Variants in GALNT17 observed in about 807,000 individuals in gnomAD.
The protein encoded by GALNT17 is polypeptide N-acetylgalactosaminyltransferase 17, also known as UDP-GalNAc:polypeptide N-acetylgalactosaminyltransferase-like 3.
Under a neutral mutation model 63.7 loss-of-function variants are expected in GALNT17, and 29 were observed. The observed-to-expected ratio is 0.46, with a 90% CI of 0.34 to 0.62. The LOEUF (loss-of-function observed/expected upper bound fraction) is 0.62. GALNT17 is among the 20% of genes least tolerant of loss of function. The pLI, the probability that GALNT17 is intolerant of heterozygous loss-of-function variation, is 0.01. For missense variants in GALNT17, 603 were observed against 799.6 expected (o/e 0.75, Z 2.97); for synonymous variants, 305 against 318.3 (o/e 0.96, Z 0.45).
chr7:71,505,017 C>T (rs1788244231), intron 5 of GALNT17, among the ~76,000 whole-genome samples: 2 of 152,174 alleles, frequency 1.3e-5, no homozygotes, highest in South Asian at 4.1e-4. Flanking sequence ...GATCACACCC[C>T]ACACGCTGTT....
intron 5 of GALNT17, among the ~76,000 whole-genome samples, chr7:71,502,120 T>A (rs545352449): frequency 4.1e-4 from 62 of 152,310 alleles, no homozygotes; most frequent in African/African-American, 1.4e-3. Flanking sequence ...TGCATTAAAA[T>A]CAAAGCAAAA....
chr7:71,624,632 T>G (rs574277388), intron 6 of GALNT17, among the ~76,000 whole-genome samples: 111 of 152,318 alleles, frequency 7.3e-4, no homozygotes, highest in African/African-American at 2.6e-3. Context: ...CCAAAGAGCT[T>G]TTGTTTATGG....
chr7:71,144,394 C>T (rs544798520), intron 1 of GALNT17, among the ~76,000 whole-genome samples: 1 of 152,228 alleles, frequency 6.6e-6, no homozygotes, highest in South Asian at 2.1e-4. Context: ...CTCAGCATGT[C>T]CAGAACCTGA....
At chr7:71,440,865 A>G (rs990276698) in intron 5 of GALNT17, among the ~76,000 whole-genome samples, 5 of 152,056 alleles carry the variant, frequency 3.3e-5, no homozygotes, top group African/African-American at 1.2e-4. Context: ...AGGTGTGGCA[A>G]TGAGTAACTT....
chr7:71,419,686 A>C (rs1372223494), intron 4 of GALNT17, among the ~76,000 whole-genome samples: 1 of 151,956 alleles, frequency 6.6e-6, no homozygotes, highest in Non-Finnish European at 1.5e-5. Flanking sequence ...GAGGTAGGAG[A>C]GATGGTACTT....
At chr7:71,508,430 A>T (rs187805802) in intron 5 of GALNT17, among the ~76,000 whole-genome samples, 1 of 152,136 alleles carries the variant, frequency 6.6e-6, no homozygotes, top group Non-Finnish European at 1.5e-5. Flanking sequence ...ATAATTTCCA[A>T]TTGGCTTTTA....
chr7:71,571,158 A>G (rs1051011104), intron 5 of GALNT17, 127 bp from the exon 6 acceptor site: 28 of 608,004 alleles, frequency 4.6e-5, no homozygotes, highest in Middle Eastern at 4.6e-4. Context: ...CTAGGCTGGA[A>G]CCCAGTACAT....
intron 5 of GALNT17, among the ~76,000 whole-genome samples, chr7:71,547,366 G>A (rs1789003358): frequency 6.6e-6 from 1 of 151,946 alleles, no homozygotes; most frequent in African/African-American, 2.4e-5. Flanking sequence ...GTTTCACCAG[G>A]CTGATCTCAA....
intron 6 of GALNT17, among the ~76,000 whole-genome samples, chr7:71,665,023 G>A (rs1790963077): frequency 6.6e-6 from 1 of 152,036 alleles, no homozygotes; most frequent in Non-Finnish European, 1.5e-5. Context: ...TGTCACCCAG[G>A]CTGGCGTGAA....
At chr7:71,677,113 A>C (rs916215064) in intron 8 of GALNT17, 98 bp from the exon 9 acceptor site, 1 of 1,212,624 alleles carries the variant, frequency 8.2e-7, no homozygotes. Context: ...TTGTCTTCCC[A>C]TCATGAAGTT....
chr7:71,681,919 T>TTTTA (rs1554323868), intron 9 of GALNT17, among the ~76,000 whole-genome samples: 1 of 151,972 alleles, frequency 6.6e-6, no homozygotes, highest in Non-Finnish European at 1.5e-5. Flanking sequence ...TTTGTTTTGT[T>TTTTA]TTTGTTTGTT....
At position 71,461,915 on chromosome 7, in the gene GALNT17, G is replaced by T. The variant is rs78108613; in HGVS notation, c.962+40810G>T. The stretch of plus-strand genomic sequence containing the variant: ...TGTGCAACCCTCTGGGGCAGGACAT[G>T]ATGCCTATCTTTAACCTCTGGATCA... On this transcript the variant is annotated intron_variant, in intron 5 of 10. Transcript: ENST00000333538. 2.6e-3 allele frequency among the ~76,000 whole-genome samples: 389 copies of T among 152,352 alleles called. 9 individuals are homozygous for T. In the East Asian group the frequency reaches 0.043, roughly 17 times the overall value.
intron 1 of GALNT17, among the ~76,000 whole-genome samples, chr7:71,291,149 A>G (rs1790972825): frequency 6.6e-6 from 1 of 152,238 alleles, no homozygotes; most frequent in African/African-American, 2.4e-5. Context: ...AAATTAATGT[A>G]TCCATCCAGA....
chr7:71,537,494 T>C (rs185627316), intron 5 of GALNT17, among the ~76,000 whole-genome samples: 182 of 152,194 alleles, frequency 1.2e-3, no homozygotes, highest in African/African-American at 3.1e-3. Context: ...ATGTGGGCCC[T>C]AAGTCAGACG....
At chr7:71,603,469 T>G (rs1789997909) in intron 6 of GALNT17, among the ~76,000 whole-genome samples, 1 of 152,116 alleles carries the variant, frequency 6.6e-6, no homozygotes, top group South Asian at 2.1e-4. Context: ...GGTACTATGT[T>G]AAGTGCGTAC....
At chr7:71,480,640 G>A (rs2116640954) in intron 5 of GALNT17, among the ~76,000 whole-genome samples, 2 of 152,264 alleles carry the variant, frequency 1.3e-5, no homozygotes, top group South Asian at 4.1e-4. Context: ...CCGAGTAGCT[G>A]GGATTACAGG....
chr7:71,459,048 G>A (rs1787405807), intron 5 of GALNT17, among the ~76,000 whole-genome samples: 1 of 152,112 alleles, frequency 6.6e-6, no homozygotes, highest in South Asian at 2.1e-4. Flanking sequence ...ATATCAACAT[G>A]AAGTAGTACA....
chr7:71,312,086 T>C (rs913032518), intron 1 of GALNT17, among the ~76,000 whole-genome samples: 1 of 152,240 alleles, frequency 6.6e-6, no homozygotes, highest in Non-Finnish European at 1.5e-5. Flanking sequence ...TCCTGTTTTC[T>C]AGAAATTTCT....
At chr7:71,238,599 G>A (rs970739878) in intron 1 of GALNT17, among the ~76,000 whole-genome samples, 2 of 152,164 alleles carry the variant, frequency 1.3e-5, no homozygotes, top group African/African-American at 2.4e-5. Context: ...GGTCTCGCCA[G>A]CCCTGTGAAT....
Sources: gnomAD v4.1 joint callset for allele counts (sites outside exome capture counted in the v4.1 genomes callset) on GRCh38, gnomAD v4.1.1 for gene constraint, MANE v1.5 for transcripts, NCBI Gene and HGNC (gene_info 2026-07-23, HGNC 2026-07-21) for gene names.